The following TRMO variants were observed in gnomAD, a reference collection of about 807,000 sequenced individuals.
TRMO encodes the protein tRNA methyltransferase O.
TRMO carries 30 observed loss-of-function variants against 37.2 expected under a neutral mutation model. The observed-to-expected ratio is 0.81, with a 90% confidence interval of 0.60 to 1.09. The LOEUF (loss-of-function observed/expected upper bound fraction) is 1.09, where lower values mean the gene tolerates loss of function less well. Among genes scored for constraint, TRMO ranks in the 50% least tolerant of loss-of-function variants. TRMO has a pLI of 0.00. For synonymous variants in TRMO, 239 were observed against 199.4 expected (o/e 1.20, Z -1.67); for missense variants, 552 against 549.5 (o/e 1.00, Z -0.05).
rs1012607717 is a variant in TRMO at position 97,918,032 on chromosome 9, T to A, written c.77-1694A>T. On this transcript the variant is annotated intron_variant, in intron 1 of 4. Transcript: ENST00000375119. ...GGTTAATCTGGGTGGTGAGATTTTT[T>A]AATTACCTTTAAATTTAACTTCGTA... Among the ~76,000 whole-genome samples, 4 of 152,076 alleles carry A rather than the reference T, an allele frequency of 2.6e-5. No individual in the cohort carries two copies. The East Asian group carries it at 5.8e-4, about 22-fold the overall frequency.
At chr9:97,919,163 T>C (rs771725251) in intron 1 of TRMO, among the ~76,000 whole-genome samples, 7 of 152,156 alleles carry the variant, frequency 4.6e-5, no homozygotes, top group Non-Finnish European at 1.0e-4. Flanking sequence ...GGAACAGATA[T>C]AGTAGACATC....
At chr9:97,915,968 G>A (rs1041620871) in intron 2 of TRMO, among the ~76,000 whole-genome samples, 196 bp downstream of exon 2, 6 of 152,178 alleles carry the variant, frequency 3.9e-5, no homozygotes, top group Non-Finnish European at 1.5e-5. Flanking sequence ...TTGAGCTCGG[G>A]AGGCAGAGGT....
intron 1 of TRMO, among the ~76,000 whole-genome samples, chr9:97,919,129 T>G (rs556087742): frequency 6.6e-6 from 1 of 152,198 alleles, no homozygotes; most frequent in Non-Finnish European, 1.5e-5. Context: ...GTTTTTTCTT[T>G]TTAATCCTCA....
chr9:97,899,673 G>A (rs1187968357), downstream of TRMO, among the ~76,000 whole-genome samples: 1 of 152,116 alleles, frequency 6.6e-6, no homozygotes, highest in African/African-American at 2.4e-5. Flanking sequence ...ACCACTTGAG[G>A]CCAGGAGTTC....
chr9:97,908,833 T>C (rs568091966), intron 4 of TRMO, among the ~76,000 whole-genome samples: 1 of 152,344 alleles, frequency 6.6e-6, no homozygotes, highest in East Asian at 1.9e-4. Context: ...GTCTGGTACC[T>C]AGCAGAAGCT....
rs867758231 is a variant in TRMO, at chr9:97,922,456, G to C, written c.38C>G (p.Ala13Gly). 9.4e-6 allele frequency: 15 copies of C among 1,587,742 alleles called. No individual in the cohort carries two copies. Among genetic ancestry groups the C allele is most frequent in the Non-Finnish European group, 1.3e-5 (15 of 1,168,188 alleles). Residue 13 changes from alanine to glycine, a missense_variant, in exon 1 of 5, where the codon GCG (alanine) becomes GGG (glycine). Transcript: ENST00000375119. ...CGGCTTAACGCAGCCGCACGGGGTC[G>C]CTGTAGGCCGAGGCCCCGACTCCTC... ...GLEESGPRPTATPCGCVKPAL... is the reference protein window; with the variant it reads ...GLEESGPRPTGTPCGCVKPAL...
In TRMO at chr9:97,910,332, G is replaced by C; in HGVS notation, c.694C>G (p.Leu232Val). 6.2e-7 allele frequency: 1 copy of C among 1,614,204 alleles called. No individual in the cohort carries two copies. The highest frequency in any genetic ancestry group is 1.7e-5 in the Admixed American group (1 of 60,024). ...ATTCTGGCTGTGTCACTGTGTGTCA[G>C]GTAGTTTTCTTCTGAAGTTCTGTCT... ...PEDRTSEENY[L>V]THSDTARIQQ... is the part of the protein sequence containing the mutation. The change falls in exon 4 of 5, where the codon CTG (leucine) becomes GTG (valine). Residue 232 changes from leucine (L) to valine (V), a missense_variant. Leu to Val is a conservative substitution (Grantham distance 32). Coordinates refer to ENST00000375119, the MANE Select transcript of TRMO (RefSeq NM_016481.5).
chr9:97,897,860 TTTA>T, the TRMO span, among the ~76,000 whole-genome samples: 1 of 152,138 alleles, frequency 6.6e-6, no homozygotes, highest in Non-Finnish European at 1.5e-5. Context: ...AAAAATTTTT[TTTA>T]AATTTTTTTT....
chr9:97,909,069 C>T (rs1189761235), intron 4 of TRMO, among the ~76,000 whole-genome samples: 1 of 152,184 alleles, frequency 6.6e-6, no homozygotes, highest in East Asian at 1.9e-4. Flanking sequence ...ATTCTCCTGC[C>T]TCAGCCTCCT....
At chr9:97,918,886 A>G (rs1250922325) in intron 1 of TRMO, among the ~76,000 whole-genome samples, 1 of 152,136 alleles carries the variant, frequency 6.6e-6, no homozygotes, top group African/African-American at 2.4e-5. Flanking sequence ...GATCTTTATC[A>G]TTCACTTCCT....
At chr9:97,902,362 A>G (rs1825693079), downstream of TRMO, among the ~76,000 whole-genome samples, 1 of 152,132 alleles carries the variant, frequency 6.6e-6, no homozygotes, top group African/African-American at 2.4e-5. Context: ...GTGCAGTGGC[A>G]CGATCTCGGC....
chr9:97,918,367 G>A (rs1319671345), intron 1 of TRMO, among the ~76,000 whole-genome samples: 1 of 149,112 alleles, frequency 6.7e-6, no homozygotes, highest in African/African-American at 2.5e-5. Context: ...CTCCAACCTA[G>A]GTGAGCGAGA....
rs771409238 is a variant in TRMO, at chr9:97,910,786, C to A, written c.410-170G>T. ...CCTTCTTGCTACCTGGTAGCCCATC[C>A]TCTTCTCTACCTATCAAACTCCTAC... On this transcript the variant is annotated intron_variant, in intron 3 of 4. Transcript: ENST00000375119. 199 of 720,024 alleles carry A rather than the reference C, an allele frequency of 2.8e-4. 1 individual carries two copies. Among genetic ancestry groups the A allele is most frequent in the Non-Finnish European group, 2.0e-4 (90 of 441,238 alleles). 44.6% of individuals were successfully genotyped at this position (720,024 alleles called of 1,614,324 possible).
At chr9:97,899,934 T>C (rs1831129740), downstream of TRMO, among the ~76,000 whole-genome samples, 1 of 151,964 alleles carries the variant, frequency 6.6e-6, no homozygotes, top group Admixed American at 6.6e-5. Context: ...CTGGGCATGG[T>C]GGCAAACAGT....
Position 97,910,000 on chromosome 9 carries a change from A to G in TRMO, c.1026T>C (p.Thr342=). The G allele has an allele frequency of 6.3e-7, 1 of 1,580,648 alleles. No homozygotes were observed. The highest frequency in any genetic ancestry group is 8.6e-7 in the Non-Finnish European group (1 of 1,163,010). The part of the protein sequence containing the change: ...APVATLEVRF[T]PHAEMDLGQL... ...GCCCAAGGTCCATCTCGGCATGAGG[A>G]GTAAACCGCACTTCTAAAGTGGCCA... is the stretch of plus-strand genomic sequence containing the variant. The change falls in exon 4 of 5, where the codon ACT becomes ACC. Residue 342 remains threonine, a synonymous_variant. Coordinates refer to ENST00000375119, the MANE Select transcript of TRMO (RefSeq NM_016481.5).
Position 97,913,464 on chromosome 9 carries a change from T to C in TRMO, c.346A>G (p.Thr116Ala), listed in dbSNP as rs758942922. 4 of 1,613,956 alleles carry C rather than the reference T, an allele frequency of 2.5e-6. No individual in the cohort carries two copies. In the East Asian group the frequency reaches 8.9e-5, roughly 36 times the overall value. The change falls in exon 3 of 5, where the codon ACA (threonine) becomes GCA (alanine). Residue 116 changes from threonine to alanine, a missense_variant. Thr to Ala is a moderately conservative substitution (Grantham distance 58). Coordinates refer to ENST00000375119, the MANE Select transcript of TRMO (RefSeq NM_016481.5). The part of the protein sequence containing the change: ...LNGAKTGVFS[T>A]RSPHRPNAIG... Reference sequence around the variant, plus strand: ...GCATTGGGACGATGAGGGCTCCTTGTGGAAAAAACTCCAGTCTTTGCACCA... The same window carrying C: ...GCATTGGGACGATGAGGGCTCCTTGCGGAAAAAACTCCAGTCTTTGCACCA...
chr9:97,904,260 A>C (rs548984337), downstream of TRMO, among the ~76,000 whole-genome samples: 1 of 152,162 alleles, frequency 6.6e-6, no homozygotes, highest in African/African-American at 2.4e-5. Context: ...TCTGAAACAC[A>C]TAAGTTTAAT....
intron 3 of TRMO, 128 bp downstream of exon 3, chr9:97,913,273 G>A (rs760353100): frequency 2.0e-6 from 2 of 1,002,930 alleles, no homozygotes; most frequent in South Asian, 2.6e-5. Context: ...TTTCTTCAAT[G>A]TCTGGTGGTT....
chr9:97,901,251 T>C (rs1316942152), downstream of TRMO, among the ~76,000 whole-genome samples: 2 of 70,668 alleles, frequency 2.8e-5, no homozygotes, highest in Non-Finnish European at 4.8e-5. Flanking sequence ...TAGTAGAGAA[T>C]TGTTTCTTCT....
Sources: gnomAD v4.1 joint callset for allele counts (sites outside exome capture counted in the v4.1 genomes callset) on GRCh38, gnomAD v4.1.1 for gene constraint, MANE v1.5 for transcripts, NCBI Gene and HGNC (gene_info 2026-07-23, HGNC 2026-07-21) for gene names.